Variants in RBL1 observed in about 807,000 individuals in gnomAD.
RBL1 encodes RB transcriptional corepressor like 1.
Under a neutral mutation model 123.0 loss-of-function variants are expected in RBL1, and 82 were observed. The observed-to-expected ratio is 0.67, with a 90% CI of 0.56 to 0.80. The LOEUF (loss-of-function observed/expected upper bound fraction) is 0.80, where lower values mean the gene tolerates loss of function less well. Among genes scored for constraint, RBL1 ranks in the 30% least tolerant of loss-of-function variants. RBL1 has a pLI of 0.00. For missense variants in RBL1, 1,171 were observed against 1,299.6 expected (o/e 0.90, Z 1.52); for synonymous variants, 405 against 441.3 (o/e 0.92, Z 1.03).
rs775726342 is a variant in RBL1, at chr20:37,035,406, A to T, written c.2006T>A (p.Met669Lys). 8.4e-5 allele frequency: 136 copies of T among 1,613,974 alleles called. No individual in the cohort carries two copies. The highest frequency in any genetic ancestry group is 1.1e-4 in the Non-Finnish European group (134 of 1,180,000). The change falls in exon 15 of 22, where the codon ATG becomes AAG. Residue 669 changes from methionine (M) to lysine (K), a missense_variant. Transcript: ENST00000373664. ...RLFGEDPPKEMLMDKIITEGT... is the reference protein window; with the variant it reads ...RLFGEDPPKEKLMDKIITEGT... Reference sequence around the variant, plus strand: ...TTCTGTTATGATCTTGTCCATAAGCATTTCCTTTGGGGGGTCCTCTCCAAA... The same window carrying T: ...TTCTGTTATGATCTTGTCCATAAGCTTTTCCTTTGGGGGGTCCTCTCCAAA...
At chr20:37,040,011 G>A in intron 14 of RBL1, 142 bp downstream of exon 14, 2 of 1,027,136 alleles carry the variant, frequency 1.9e-6, no homozygotes, top group Non-Finnish European at 1.4e-6. Context: ...AGGGGTGCTG[G>A]CACAAGCATC....
chr20:37,042,187 A>C (rs1329179549), intron 13 of RBL1, among the ~76,000 whole-genome samples: 2 of 152,156 alleles, frequency 1.3e-5, no homozygotes, highest in Non-Finnish European at 2.9e-5. Flanking sequence ...GAACTCCTAT[A>C]ATTCAATAAT....
chr20:37,093,233 GAT>G (rs780020005), intron 1 of RBL1, among the ~76,000 whole-genome samples: 5 of 151,952 alleles, frequency 3.3e-5, no homozygotes, highest in Non-Finnish European at 7.4e-5. Flanking sequence ...GGAAGCATGA[GAT>G]ATATGAAAAT....
intron 2 of RBL1, among the ~76,000 whole-genome samples, chr20:37,077,578 G>T (rs1486859791): frequency 3.3e-5 from 5 of 152,032 alleles, no homozygotes; most frequent in African/African-American, 1.2e-4. Context: ...CCAACATGGG[G>T]CCTACCCCAT....
chr20:37,002,944 G>T (rs2064012299), intron 21 of RBL1, among the ~76,000 whole-genome samples: 1 of 151,680 alleles, frequency 6.6e-6, no homozygotes, highest in South Asian at 2.1e-4. Context: ...GGCTGGTCTT[G>T]AACTCCTGAG....
At chr20:37,014,188 C>T (rs922900294) in intron 19 of RBL1, among the ~76,000 whole-genome samples, 1 of 151,882 alleles carries the variant, frequency 6.6e-6, no homozygotes, top group Non-Finnish European at 1.5e-5. Flanking sequence ...AGCCAACCTC[C>T]CAATTCAGCC....
In RBL1 at chr20:36,999,917, G is replaced by A. The variant is rs182416957; in HGVS notation, c.3037-988C>T. The stretch of plus-strand genomic sequence containing the variant: ...GCAGACTCTGCCCGGCCGCCACCCC[G>A]TCTGGGAAGTGAGGAGCGTCTCTGC... On this transcript the variant is annotated intron_variant, in intron 21 of 21. Coordinates refer to ENST00000373664, the MANE Select transcript of RBL1 (RefSeq NM_002895.5). Among the ~76,000 whole-genome samples the A allele has an allele frequency of 5.3e-3, 793 of 149,430 alleles. 5 individuals are homozygous for A. Among genetic ancestry groups the A allele is most frequent in the African/African-American group, 0.018 (750 of 41,180 alleles).
rs2063908107 is a variant in RBL1, at chr20:36,998,150, TA to T, written c.*608del. ...GAGACATTTATTTTTAAAAGAGAGC[TA>T]AAAAGTTATGGGGTTTCTCCTTATT... On this transcript the variant is annotated 3_prime_UTR_variant, in exon 22 of 22. Coordinates refer to ENST00000373664, the MANE Select transcript of RBL1 (RefSeq NM_002895.5). The T allele has an allele frequency of 6.6e-6, 1 of 152,000 alleles. No homozygotes were observed. The highest frequency in any genetic ancestry group is 2.4e-5 in the African/African-American group (1 of 41,394). The allele number at this position is 152,000 out of a possible 1,614,324, so 9.4% of individuals were successfully genotyped here.
intron 19 of RBL1, among the ~76,000 whole-genome samples, chr20:37,012,265 C>T (rs2064163716): frequency 6.6e-6 from 1 of 152,240 alleles, no homozygotes; most frequent in African/African-American, 2.4e-5. Flanking sequence ...GCCGAGATTG[C>T]AGCCTCTGCC....
chr20:37,029,859 A>G lies in RBL1; in HGVS notation c.2382+2806T>C, dbSNP rs187039051. Among the ~76,000 whole-genome samples, 11 of 152,348 alleles carry G rather than the reference A, an allele frequency of 7.2e-5. No homozygotes were observed. In the East Asian group the frequency reaches 2.1e-3, roughly 29 times the overall value. Reference sequence around the variant, plus strand: ...TACTTACAATAGCATCAAAAAGAATACTTAGGAATAATCTTAAGCAAGGAC... The same window carrying G: ...TACTTACAATAGCATCAAAAAGAATGCTTAGGAATAATCTTAAGCAAGGAC... On this transcript the variant is annotated intron_variant, in intron 16 of 21. Coordinates refer to ENST00000373664, the MANE Select transcript of RBL1 (RefSeq NM_002895.5).
chr20:37,003,072 G>C (rs2064013837), intron 21 of RBL1, among the ~76,000 whole-genome samples: 1 of 152,136 alleles, frequency 6.6e-6, no homozygotes, highest in East Asian at 1.9e-4. Flanking sequence ...GAACTCTGTA[G>C]TTATCTGTAT....
chr20:37,040,390 T>C (rs1367189784), intron 13 of RBL1, 105 bp from the exon 14 acceptor site: 3 of 1,451,172 alleles, frequency 2.1e-6, no homozygotes, highest in Non-Finnish European at 2.7e-6. Flanking sequence ...CTCATTCTGT[T>C]GCCCAGGCTG....
intron 2 of RBL1, among the ~76,000 whole-genome samples, chr20:37,077,023 G>A (rs979221233): frequency 2.7e-5 from 4 of 148,704 alleles, no homozygotes; most frequent in African/African-American, 1.0e-4. Context: ...TGCAATCTCC[G>A]CCTTCCGGGT....
intron 2 of RBL1, among the ~76,000 whole-genome samples, chr20:37,074,103 A>G (rs1022579145): frequency 6.7e-6 from 1 of 149,434 alleles, no homozygotes; most frequent in Non-Finnish European, 1.5e-5. Flanking sequence ...AGAGCGAGAC[A>G]CTGTCTCAAA....
rs1323286040 is a variant in RBL1, at chr20:36,997,231, A to C, written c.*1528T>G. On this transcript the variant is annotated 3_prime_UTR_variant, in exon 22 of 22. Transcript: ENST00000373664. ...GTACTGAAAAGCATCCCTAGCACTG[A>C]AAAAAGCATCCCTAGTACTGAAAAG... is the stretch of plus-strand genomic sequence containing the variant. 1 of 152,106 alleles carries C rather than the reference A, an allele frequency of 6.6e-6. No individual in the cohort carries two copies. Among genetic ancestry groups the C allele is most frequent in the Non-Finnish European group, 1.5e-5 (1 of 68,064 alleles). The allele number at this position is 152,106 out of a possible 1,614,324, so 9.4% of individuals were successfully genotyped here. A position where few individuals can be genotyped will look rare whatever the true frequency, so the allele number is the denominator to read the frequency against.
chr20:37,012,527 G>T (rs1256481820), intron 19 of RBL1, among the ~76,000 whole-genome samples: 1 of 151,580 alleles, frequency 6.6e-6, no homozygotes, highest in Non-Finnish European at 1.5e-5. Flanking sequence ...CCCCGTCTGG[G>T]ATGTGAGGAG....
Position 37,056,006 on chromosome 20 carries a change from C to T in RBL1, c.1363+140G>A, listed in dbSNP as rs956331080. 7 of 1,362,158 alleles carry T rather than the reference C, an allele frequency of 5.1e-6. No individual in the cohort carries two copies. The African/African-American group carries it at 1.0e-4, about 20-fold the overall frequency. 84.4% of individuals were successfully genotyped at this position (1,362,158 alleles called of 1,614,324 possible). The stretch of plus-strand genomic sequence containing the variant: ...AGGTTGCAGTGAGTCGAGATCATGC[C>T]ATTGCACTCCAGCCTGGGCAACTCG... On this transcript the variant is annotated intron_variant, in intron 10 of 21. Transcript: ENST00000373664.
chr20:37,015,880 T>G (rs2064242512), intron 19 of RBL1, among the ~76,000 whole-genome samples: 1 of 147,620 alleles, frequency 6.8e-6, no homozygotes. Flanking sequence ...TGTCTGCCAC[T>G]GCACCTGGTA....
chr20:37,055,797 C>T, intron 10 of RBL1, 141 bp from the exon 11 acceptor site: 1 of 882,730 alleles, frequency 1.1e-6, no homozygotes, highest in East Asian at 2.8e-5. Flanking sequence ...GCCTGTAATC[C>T]TAGCACTTTG....
Sources: allele counts gnomAD v4.1 joint callset (sites outside exome capture counted in the v4.1 genomes callset), GRCh38; gene constraint gnomAD v4.1.1; transcripts MANE v1.5; gene names NCBI Gene and HGNC (gene_info 2026-07-23, HGNC 2026-07-21).